The following UNC13C variants were observed in gnomAD, a reference collection of about 807,000 sequenced individuals.
UNC13C encodes the protein unc-13 homolog C.
In UNC13C, 174 loss-of-function variants were observed where a neutral mutation model predicts 245.4. The ratio of observed to expected loss-of-function variants is 0.71; its 90% CI spans 0.63 to 0.80. The LOEUF is 0.80. Ranked by LOEUF, UNC13C falls within the 30% of genes least tolerant of loss-of-function variation. The probability of loss-of-function intolerance (pLI) is 0.00; values close to 1 mark genes in which losing one functional copy is unlikely to be tolerated. For missense variants in UNC13C, 2,829 were observed against 2,602.9 expected (o/e 1.09, Z -1.89); for synonymous variants, 992 against 895.1 (o/e 1.11, Z -1.93).
intron 17 of UNC13C, among the ~76,000 whole-genome samples, chr15:54,383,005 G>A (rs181947006): frequency 2.6e-4 from 39 of 152,154 alleles, no homozygotes; most frequent in African/African-American, 5.3e-4. Flanking sequence ...GGAAGAAACA[G>A]GAAATCTAAA....
rs544874177 is a variant in UNC13C, at chr15:54,252,829, G to A, written c.3448+2385G>A. Among the ~76,000 whole-genome samples the A allele has an allele frequency of 2.2e-4, 34 of 152,152 alleles. No individual in the cohort carries two copies. In the South Asian group the frequency reaches 4.2e-3, roughly 19 times the overall value. ...CTTTATAAAATGGCCATTCAATCTCGTAACATTTCCAGGGAAAATTTCAAC... is the reference window on the plus strand; with the variant it reads ...CTTTATAAAATGGCCATTCAATCTCATAACATTTCCAGGGAAAATTTCAAC... On this transcript the variant is annotated intron_variant, in intron 8 of 32. Coordinates refer to ENST00000260323, the MANE Select transcript of UNC13C (RefSeq NM_001080534.3).
chr15:54,540,311 G>A (rs1304093946), intron 26 of UNC13C, among the ~76,000 whole-genome samples: 2 of 151,968 alleles, frequency 1.3e-5, no homozygotes, highest in Admixed American at 1.3e-4. Flanking sequence ...TCCAAGGGGA[G>A]GGAAAACAAC....
At chr15:53,932,852 C>T in the UNC13C span, among the ~76,000 whole-genome samples, 1 of 152,188 alleles carries the variant, frequency 6.6e-6, no homozygotes, top group African/African-American at 2.4e-5. Context: ...ACTCAACTAT[C>T]TCTTAAACAT....
intron 19 of UNC13C, among the ~76,000 whole-genome samples, chr15:54,418,073 T>G (rs2040558105): frequency 1.3e-5 from 2 of 152,064 alleles, no homozygotes; most frequent in Non-Finnish European, 1.5e-5. Context: ...TAGTCCCTTC[T>G]ATATTGAAGT....
chr15:54,221,861 C>T (rs2035236788), intron 4 of UNC13C, among the ~76,000 whole-genome samples: 1 of 151,982 alleles, frequency 6.6e-6, no homozygotes, highest in South Asian at 2.1e-4. Flanking sequence ...ATCAACTGTC[C>T]TCTTGTGGAA....
At chr15:53,901,841 A>G in the UNC13C span, among the ~76,000 whole-genome samples, 2 of 152,144 alleles carry the variant, frequency 1.3e-5, no homozygotes. Flanking sequence ...AAGGTAATTG[A>G]TTATTTCATG....
intron 19 of UNC13C, among the ~76,000 whole-genome samples, chr15:54,416,034 G>C (rs2040512921): frequency 6.6e-6 from 1 of 152,180 alleles, no homozygotes; most frequent in Non-Finnish European, 1.5e-5. Flanking sequence ...TTTGAGAAGA[G>C]AGAACTCAGT....
intron 4 of UNC13C, among the ~76,000 whole-genome samples, chr15:54,167,602 G>GAAAAAAA (rs35210236): frequency 2.2e-3 from 140 of 63,548 alleles, no homozygotes; most frequent in Middle Eastern, 0.015. Context: ...ATCCAAATAG[G>GAAAAAAA]AAAAAAAAAA....
chr15:54,542,882 C>T (rs1005015350), intron 26 of UNC13C, among the ~76,000 whole-genome samples: 1 of 152,040 alleles, frequency 6.6e-6, no homozygotes, highest in African/African-American at 2.4e-5. Flanking sequence ...TATTTTGAGC[C>T]TATGTGTGTC....
At chr15:54,012,115 C>T (rs145699680) in intron 1 of UNC13C, among the ~76,000 whole-genome samples, 1,851 of 152,240 alleles carry the variant, frequency 0.012, 23 homozygotes, top group Non-Finnish European at 0.015. Flanking sequence ...TTTTTCTTCA[C>T]ATAATTCAAG....
chr15:53,876,484 T>C, the UNC13C span, among the ~76,000 whole-genome samples: 1 of 152,304 alleles, frequency 6.6e-6, no homozygotes, highest in East Asian at 1.9e-4. Context: ...AACCAAAATG[T>C]TGACATATTA....
intron 10 of UNC13C, among the ~76,000 whole-genome samples, chr15:54,268,376 T>G (rs1380476845): frequency 2.6e-5 from 4 of 152,118 alleles, no homozygotes; most frequent in African/African-American, 9.7e-5. Flanking sequence ...ACTGTTTTGA[T>G]GTCCTTCCCT....
At chr15:54,575,059 G>A (rs1897898599) in intron 30 of UNC13C, among the ~76,000 whole-genome samples, 1 of 152,040 alleles carries the variant, frequency 6.6e-6, no homozygotes. Context: ...ATTTTGAGAT[G>A]GAGTCTGTCT....
At chr15:54,493,693 A>C (rs1434615243) in intron 19 of UNC13C, among the ~76,000 whole-genome samples, 1 of 152,160 alleles carries the variant, frequency 6.6e-6, no homozygotes, top group Non-Finnish European at 1.5e-5. Context: ...CAGAGGGCAC[A>C]TTCAACCTGG....
rs547219161 is a variant in UNC13C at position 54,075,467 on chromosome 15, G to A, written c.2983+59581G>A. 3.7e-4 allele frequency among the ~76,000 whole-genome samples: 53 copies of A among 141,384 alleles called. 1 individual carries two copies. Among genetic ancestry groups the A allele is most frequent in the African/African-American group, 1.4e-3 (49 of 34,004 alleles). 92.8% of individuals were successfully genotyped at this position (141,384 alleles called of 152,430 possible). On this transcript the variant is annotated intron_variant, in intron 2 of 32. Coordinates refer to ENST00000260323, the MANE Select transcript of UNC13C (RefSeq NM_001080534.3). Reference sequence around the variant, plus strand: ...AGTGAGCCGGAGCTTGCAGTGAGCCGGAGCTTGCAGTGAGCCGGAGCTTGC... The same window carrying A: ...AGTGAGCCGGAGCTTGCAGTGAGCCAGAGCTTGCAGTGAGCCGGAGCTTGC...
chr15:54,423,588 T>A (rs1379115267), intron 19 of UNC13C, among the ~76,000 whole-genome samples: 1 of 151,842 alleles, frequency 6.6e-6, no homozygotes, highest in African/African-American at 2.4e-5. Flanking sequence ...TGATCACATC[T>A]CTTGGGCAAG....
intron 2 of UNC13C, among the ~76,000 whole-genome samples, chr15:54,041,028 A>G (rs1207017095): frequency 2.0e-5 from 3 of 152,152 alleles, no homozygotes; most frequent in African/African-American, 7.2e-5. Flanking sequence ...TATCCACTTA[A>G]TATACTCATT....
chr15:54,172,760 A>AC (rs2033465114), intron 4 of UNC13C, among the ~76,000 whole-genome samples: 1 of 101,640 alleles, frequency 9.8e-6, no homozygotes, highest in African/African-American at 4.4e-5. Context: ...ATATATATAT[A>AC]TCTTTACTCT....
the UNC13C span, among the ~76,000 whole-genome samples, chr15:53,970,052 C>CTTTT: frequency 4.2e-5 from 6 of 143,590 alleles, no homozygotes; most frequent in African/African-American, 5.1e-5. Flanking sequence ...ACAAGTTTTC[C>CTTTT]TTTTTTTTTT....
Sources: gnomAD v4.1 joint callset for allele counts (sites outside exome capture counted in the v4.1 genomes callset) on GRCh38, gnomAD v4.1.1 for gene constraint, MANE v1.5 for transcripts, NCBI Gene and HGNC (gene_info 2026-07-23, HGNC 2026-07-21) for gene names.